CLVS1: variants seen among roughly 807,000 people sequenced by gnomAD.
CLVS1 encodes clavesin 1.
CLVS1 carries 10 observed loss-of-function variants against 33.1 expected under a neutral mutation model. The observed-to-expected ratio is 0.30, with a 90% CI of 0.19 to 0.51. The LOEUF (loss-of-function observed/expected upper bound fraction) is 0.51. CLVS1 is among the 20% of genes least tolerant of loss of function. CLVS1 has a pLI of 0.97. For missense variants in CLVS1, 343 were observed against 433.4 expected (o/e 0.79, Z 1.85); for synonymous variants, 163 against 166.1 (o/e 0.98, Z 0.14).
chr8:61,154,482 T>C (rs763087102), intron 2 of CLVS1, among the ~76,000 whole-genome samples: 2 of 152,204 alleles, frequency 1.3e-5, no homozygotes, highest in Non-Finnish European at 2.9e-5. Flanking sequence ...AAAAAAATGT[T>C]CTGTTTTAAT....
chr8:61,149,171 G>C (rs1806474205), intron 2 of CLVS1, among the ~76,000 whole-genome samples: 1 of 152,064 alleles, frequency 6.6e-6, no homozygotes, highest in Non-Finnish European at 1.5e-5. Flanking sequence ...AGGTGCCCAA[G>C]CCAATACATT....
intron 2 of CLVS1, among the ~76,000 whole-genome samples, chr8:61,234,867 T>C (rs1183859643): frequency 6.6e-6 from 1 of 151,888 alleles, no homozygotes; most frequent in Non-Finnish European, 1.5e-5. Flanking sequence ...GTTAGGTCTT[T>C]AAAAAAAATA....
chr8:61,221,496 T>C (rs1298676374), intron 2 of CLVS1, among the ~76,000 whole-genome samples: 1 of 152,224 alleles, frequency 6.6e-6, no homozygotes, highest in Non-Finnish European at 1.5e-5. Context: ...TTTATTGATT[T>C]GTGTATGTTG....
At chr8:61,143,562 C>T (rs1420737269) in intron 2 of CLVS1, among the ~76,000 whole-genome samples, 1 of 151,980 alleles carries the variant, frequency 6.6e-6, no homozygotes, top group Non-Finnish European at 1.5e-5. Flanking sequence ...ATGTAGGACT[C>T]CCATAAAGAG....
At chr8:61,134,342 G>T (rs1250620175) in intron 2 of CLVS1, among the ~76,000 whole-genome samples, 2 of 152,198 alleles carry the variant, frequency 1.3e-5, no homozygotes, top group Admixed American at 1.3e-4. Context: ...TGGCTCTAGG[G>T]TGGGGTCAGC....
chr8:61,360,170 C>G (rs1170181248), intron 2 of CLVS1, among the ~76,000 whole-genome samples: 1 of 152,170 alleles, frequency 6.6e-6, no homozygotes, highest in Non-Finnish European at 1.5e-5. Context: ...GTTAGAAGAA[C>G]ACACCTTTCC....
chr8:61,029,538 T>C, the CLVS1 span, among the ~76,000 whole-genome samples: 2 of 152,134 alleles, frequency 1.3e-5, no homozygotes, highest in African/African-American at 4.8e-5. Flanking sequence ...GAATGGGACC[T>C]GCTAACAGGG....
the CLVS1 span, among the ~76,000 whole-genome samples, chr8:61,035,180 C>CTT: frequency 2.3e-5 from 2 of 86,040 alleles, no homozygotes; most frequent in African/African-American, 4.6e-5. Flanking sequence ...CTTTTCTTTT[C>CTT]TTTTTTCTTT....
intron 2 of CLVS1, among the ~76,000 whole-genome samples, chr8:61,334,478 T>A (rs10109019): frequency 6.6e-6 from 1 of 151,990 alleles, no homozygotes; most frequent in Non-Finnish European, 1.5e-5. Flanking sequence ...CAGCTGGTTC[T>A]TGGAACACAA....
chr8:61,120,606 C>G (rs1585624649), intron 1 of CLVS1, among the ~76,000 whole-genome samples: 2 of 119,460 alleles, frequency 1.7e-5, no homozygotes, highest in Admixed American at 1.6e-4. Flanking sequence ...GGACCCTCAG[C>G]TGCAGGTCTG....
At chr8:61,005,488 A>G in the CLVS1 span, among the ~76,000 whole-genome samples, 1 of 151,926 alleles carries the variant, frequency 6.6e-6, no homozygotes, top group African/African-American at 2.4e-5. Flanking sequence ...GCAGGGAAAA[A>G]AGAAAAGAAA....
At chr8:61,119,886 G>C (rs773745320) in intron 1 of CLVS1, among the ~76,000 whole-genome samples, 1 of 132,388 alleles carries the variant, frequency 7.6e-6, no homozygotes, top group Non-Finnish European at 1.6e-5. Flanking sequence ...TCTTTGTGGC[G>C]TTCTCTGTAT....
At chr8:61,115,880 G>T (rs989207471) in intron 1 of CLVS1, among the ~76,000 whole-genome samples, 1 of 146,864 alleles carries the variant, frequency 6.8e-6, no homozygotes, top group East Asian at 2.0e-4. Flanking sequence ...AGTCCTTTGG[G>T]TATATACCCA....
At chr8:61,156,027 A>C (rs150324443) in intron 2 of CLVS1, among the ~76,000 whole-genome samples, 2,502 of 152,252 alleles carry the variant, frequency 0.016, 27 homozygotes, top group African/African-American at 0.024. Flanking sequence ...CAGCCTGGCC[A>C]AAATGGTGAA....
chr8:61,213,853 G>A (rs1200823657), intron 2 of CLVS1, among the ~76,000 whole-genome samples: 1 of 152,176 alleles, frequency 6.6e-6, no homozygotes, highest in Non-Finnish European at 1.5e-5. Context: ...TGAGCCGGGT[G>A]GAACAGAGCC....
intron 5 of CLVS1, among the ~76,000 whole-genome samples, chr8:61,486,529 T>A (rs1233596491): frequency 6.6e-6 from 1 of 152,254 alleles, no homozygotes; most frequent in Non-Finnish European, 1.5e-5. Context: ...TGAATCTCAA[T>A]AATCCTTCAC....
intron 2 of CLVS1, among the ~76,000 whole-genome samples, chr8:61,167,219 A>G (rs1806888071): frequency 7.2e-6 from 1 of 139,140 alleles, no homozygotes; most frequent in Non-Finnish European, 1.5e-5. Context: ...TTTGAGACAG[A>G]GTTTCACTGT....
chr8:61,284,767 G>A (rs1398544755), upstream of CLVS1, among the ~76,000 whole-genome samples: 2 of 152,198 alleles, frequency 1.3e-5, no homozygotes, highest in Non-Finnish European at 2.9e-5. Context: ...GGCAAAGTCT[G>A]TTAAAACTAA....
At chr8:61,327,377 T>C (rs1486670254) in intron 2 of CLVS1, among the ~76,000 whole-genome samples, 1 of 152,196 alleles carries the variant, frequency 6.6e-6, no homozygotes, top group Non-Finnish European at 1.5e-5. Context: ...TTTTTACTTA[T>C]TATGGATAAA....
Sources: allele counts gnomAD v4.1 joint callset (sites outside exome capture counted in the v4.1 genomes callset), GRCh38; gene constraint gnomAD v4.1.1; transcripts MANE v1.5; gene names NCBI Gene and HGNC (gene_info 2026-07-23, HGNC 2026-07-21).